CASKIN2: variants seen among roughly 807,000 people sequenced by gnomAD.
CASKIN2 encodes the protein CASK interacting protein 2.
A neutral mutation model predicts 107.1 loss-of-function variants in CASKIN2; 41 were observed. That is an observed-to-expected ratio of 0.38 (90% CI 0.30 to 0.50). The LOEUF is 0.50. CASKIN2 is among the 20% of genes least tolerant of loss of function. CASKIN2 has a pLI of 0.92. For missense variants in CASKIN2, 1,546 were observed against 1,657.4 expected (o/e 0.93, Z 1.17); for synonymous variants, 724 against 705.6 (o/e 1.03, Z -0.41).
rs1220223782 is a variant in CASKIN2, at chr17:75,506,751, G to A, written c.487-38C>T. 1 of 1,613,588 alleles carries A rather than the reference G, an allele frequency of 6.2e-7. No homozygotes were observed. The highest frequency in any genetic ancestry group is 1.3e-5 in the African/African-American group (1 of 74,912). The stretch of plus-strand genomic sequence containing the variant: ...GTGCCCAGTTAGAGCCTCCTCCTGA[G>A]ACCCTGTAGATGTCCAGGACCCAGC... On this transcript the variant is annotated intron_variant, in intron 6 of 19. Coordinates refer to ENST00000321617, the MANE Select transcript of CASKIN2 (RefSeq NM_020753.5). The surrounding 1 kb of genome is among the most constrained non-coding windows in gnomAD (Gnocchi z 4.8).
chr17:75,508,895 C>G (rs9904716), intron 2 of CASKIN2, among the ~76,000 whole-genome samples: 2,416 of 152,332 alleles, frequency 0.016, 31 homozygotes, highest in Non-Finnish European at 0.024. Context: ...AGTGCCTGAC[C>G]TTGTCATATG....
chr17:75,507,464 G>A (rs898796396), intron 4 of CASKIN2, 120 bp downstream of exon 4: 1 of 737,600 alleles, frequency 1.4e-6, no homozygotes, highest in African/African-American at 1.8e-5. Flanking sequence ...CAAGCCCAGA[G>A]ACGCTGTGCT....
intron 2 of CASKIN2, among the ~76,000 whole-genome samples, chr17:75,508,972 C>T (rs1028279753): frequency 6.6e-6 from 1 of 152,218 alleles, no homozygotes; most frequent in Admixed American, 6.5e-5. Context: ...GATGTTAGGG[C>T]GATGGTCCTC....
chr17:75,505,034 T>C lies in CASKIN2; in HGVS notation c.970A>G (p.Ile324Val). Residue 324 changes from isoleucine to valine, a missense_variant, in exon 11 of 20, where the codon ATC becomes GTC. By Grantham distance (29) the Ile-to-Val change is conservative. Coordinates refer to ENST00000321617, the MANE Select transcript of CASKIN2 (RefSeq NM_020753.5). The surrounding 1 kb of genome is among the most constrained non-coding windows in gnomAD (Gnocchi z 5.1). ...QHPDGRWKGHIHESQRGTDRI... is the reference protein window; with the variant it reads ...QHPDGRWKGHVHESQRGTDRI... ...TCTGTGCCCCTCTGGCTCTCGTGGA[T>C]GTGGCCCTTCCAGCGGCCGTCGGGA... 6 of 1,555,220 alleles carry C rather than the reference T, an allele frequency of 3.9e-6. No homozygotes were observed. The highest frequency in any genetic ancestry group is 5.2e-6 in the Non-Finnish European group (6 of 1,146,244).
rs1375445659 is a variant in CASKIN2, at chr17:75,502,093, G to A, written c.2981C>T (p.Pro994Leu). ...CAGTGGCTCTCTCTCCCGGCACTTG[G>A]GCCTCCGCTTAACAGTGTCTGATTC... ...LTESDTVKRR[P>L]KCREREPLQT... Residue 994 changes from proline (P) to leucine (L), a missense_variant, in exon 18 of 20, where the codon CCC (proline) becomes CTC (leucine). Pro to Leu is a moderately conservative substitution (Grantham distance 98). Coordinates refer to ENST00000321617, the MANE Select transcript of CASKIN2 (RefSeq NM_020753.5). This position sits in a 1 kb window ranked among gnomAD's most constrained non-coding sequence, Gnocchi z 4.3. 6.2e-7 allele frequency: 1 copy of A among 1,609,926 alleles called. No homozygotes were observed. Among genetic ancestry groups the A allele is most frequent in the East Asian group, 2.2e-5 (1 of 44,856 alleles).
In CASKIN2 at chr17:75,502,728, G is replaced by A. The variant is rs371723256; in HGVS notation, c.2346C>T (p.Ala782=). Residue 782 remains alanine, a synonymous_variant, in exon 18 of 20, where the codon GCC becomes GCT. Coordinates refer to ENST00000321617, the MANE Select transcript of CASKIN2 (RefSeq NM_020753.5). The surrounding 1 kb of genome is among the most constrained non-coding windows in gnomAD (Gnocchi z 4.3). ...GGTCTGGGGGAGTGGCAGGGGGCCC[G>A]GCCAAGTAGGAGAAGGCCCAGGGTG... ...PGAPWAFSYL[A]GPPATPPDPP... is the part of the protein sequence containing the mutation. 1,795 of 1,578,106 alleles carry A rather than the reference G, an allele frequency of 1.1e-3. 4 individuals carry two copies. Among genetic ancestry groups the A allele is most frequent in the African/African-American group, 1.8e-3 (132 of 74,178 alleles).
intron 2 of CASKIN2, chr17:75,509,937 G>C (rs1032508274): frequency 3.0e-5 from 30 of 985,516 alleles, no homozygotes; most frequent in Admixed American, 1.2e-4. Flanking sequence ...GGGTGGCTCC[G>C]TTCTTTTCAG....
chr17:75,513,288 A>T (rs187548249), intron 2 of CASKIN2, among the ~76,000 whole-genome samples: 2 of 151,784 alleles, frequency 1.3e-5, no homozygotes, highest in East Asian at 3.9e-4. Context: ...CAAAAATATA[A>T]AAAAAAATTA....
At chr17:75,504,337 G>A in intron 13 of CASKIN2, 31 bp from the exon 14 acceptor site, 1 of 1,598,626 alleles carries the variant, frequency 6.3e-7, no homozygotes, top group Non-Finnish European at 8.5e-7. Flanking sequence ...GGAATGGAAA[G>A]GTGGCAGGAG....
intron 2 of CASKIN2, among the ~76,000 whole-genome samples, chr17:75,512,536 CAT>C (rs10597456): frequency 0.13 from 19,129 of 152,228 alleles, 1,950 homozygotes; most frequent in African/African-American, 0.28. Context: ...CCAGGACACA[CAT>C]GTCAGGGGAA....
In CASKIN2 at chr17:75,505,088, G is replaced by A. The variant is rs765697997; in HGVS notation, c.931-15C>T. On this transcript the variant is annotated splice_polypyrimidine_tract_variant and intron_variant, in intron 10 of 19. Coordinates refer to ENST00000321617, the MANE Select transcript of CASKIN2 (RefSeq NM_020753.5). The surrounding 1 kb of genome is among the most constrained non-coding windows in gnomAD (Gnocchi z 5.1). The stretch of plus-strand genomic sequence containing the variant: ...TGTTCTAGCACCTGCGGCCAGGGGT[G>A]GGGGGCGGGGACGGTCACTCCCAGC... The A allele has an allele frequency of 1.9e-6, 3 of 1,564,616 alleles. No individual in the cohort carries two copies. Among genetic ancestry groups the A allele is most frequent in the Non-Finnish European group, 1.7e-6 (2 of 1,148,350 alleles).
intron 19 of CASKIN2, 58 bp downstream of exon 19, chr17:75,501,410 A>G (rs2053181448): frequency 3.9e-6 from 6 of 1,521,994 alleles, no homozygotes; most frequent in Non-Finnish European, 4.5e-6. Context: ...TGGGCAGAGG[A>G]TGCAGGGAGC....
chr17:75,513,559 T>A, intron 2 of CASKIN2, 152 bp downstream of exon 2: 2 of 684,582 alleles, frequency 2.9e-6, no homozygotes, highest in Non-Finnish European at 5.1e-6. Context: ...CAACTTTCTC[T>A]CTGGCTCTCT....
rs371844024 is a variant in CASKIN2 at position 75,506,533 on chromosome 17, C to T, written c.617+50G>A. On this transcript the variant is annotated intron_variant, in intron 7 of 19. Coordinates refer to ENST00000321617, the MANE Select transcript of CASKIN2 (RefSeq NM_020753.5). This position sits in a 1 kb window ranked among gnomAD's most constrained non-coding sequence, Gnocchi z 4.8. ...AGTGGGGGAGAGCACTGAGGGGCAC[C>T]GATGGTCCCGCAGGCAGGTGATGAG... The T allele has an allele frequency of 3.3e-4, 531 of 1,605,360 alleles. 2 individuals carry two copies. The South Asian group carries it at 5.3e-3, about 16-fold the overall frequency.
In CASKIN2 at chr17:75,502,927, G is replaced by A. The variant is rs908256523; in HGVS notation, c.2147C>T (p.Ala716Val). 12 of 1,565,438 alleles carry A rather than the reference G, an allele frequency of 7.7e-6. No individual in the cohort carries two copies. Among genetic ancestry groups the A allele is most frequent in the African/African-American group, 1.4e-5 (1 of 73,828 alleles). The change falls in exon 18 of 20, where the codon GCC becomes GTC. Residue 716 changes from alanine to valine, a missense_variant. By Grantham distance (64) the Ala-to-Val change is moderately conservative. Around this residue, in one of 6 missense-constraint regions of CASKIN2, gnomAD observed 1,311 missense variants for 1,311.0 expected, o/e 1.00. Coordinates refer to ENST00000321617, the MANE Select transcript of CASKIN2 (RefSeq NM_020753.5). The surrounding 1 kb of genome is among the most constrained non-coding windows in gnomAD (Gnocchi z 4.3). The stretch of plus-strand genomic sequence containing the variant: ...GGGATCTCCACCGCTGGGCTGTGGG[G>A]CAGGCTGTTCCTGTGAGTGGCCAGA... Reference protein sequence around the residue: ...RGSGHSQEQPAPQPSGGDPSP... With the variant: ...RGSGHSQEQPVPQPSGGDPSP...
intron 2 of CASKIN2, 57 bp downstream of exon 2, chr17:75,513,652 AAG>A: frequency 1.0e-6 from 1 of 976,024 alleles, no homozygotes; most frequent in Non-Finnish European, 1.6e-6. Flanking sequence ...CCCACCCACC[AAG>A]CCTCTGTGAA....
intron 2 of CASKIN2, among the ~76,000 whole-genome samples, chr17:75,508,665 G>C (rs565582292): frequency 6.6e-6 from 1 of 152,326 alleles, no homozygotes; most frequent in South Asian, 2.1e-4. Context: ...GCCGAGGGGT[G>C]GGGAGAGAGA....
chr17:75,502,636 C>T lies in CASKIN2; in HGVS notation c.2438G>A (p.Gly813Glu), dbSNP rs775222768. Residue 813 changes from glycine to glutamate, a missense_variant, in exon 18 of 20, where the codon GGG (glycine) becomes GAG (glutamate). Physicochemically the swap from Gly to Glu is moderately conservative, Grantham distance 98. Coordinates refer to ENST00000321617, the MANE Select transcript of CASKIN2 (RefSeq NM_020753.5). The surrounding 1 kb of genome is among the most constrained non-coding windows in gnomAD (Gnocchi z 4.3). ...RPGPTEGDAE[G>E]EAEGPVGSTL... ...GCTGCCCACTGGCCCTTCGGCCTCC[C>T]CCTCAGCATCCCCCTCTGTGGGGCC... is the stretch of plus-strand genomic sequence containing the variant. 13 of 1,605,458 alleles carry T rather than the reference C, an allele frequency of 8.1e-6. No homozygotes were observed. The African/African-American group carries it at 1.7e-4, about 21-fold the overall frequency.
At position 75,503,439 on chromosome 17, in the gene CASKIN2, A is replaced by G; in HGVS notation, c.1769T>C (p.Val590Ala). 1 of 1,612,906 alleles carries G rather than the reference A, an allele frequency of 6.2e-7. No homozygotes were observed. The highest frequency in any genetic ancestry group is 8.5e-7 in the Non-Finnish European group (1 of 1,179,938). ...CAGCTCCTCCCAGGTGAGGTCGGCC[A>G]CCAGCCCCATGGAGTCGTAGCCGCT... ...VSSGYDSMGLVADLTWEELQE... is the reference protein window; with the variant it reads ...VSSGYDSMGLAADLTWEELQE... Residue 590 changes from valine to alanine, a missense_variant, in exon 17 of 20, where the codon GTG becomes GCG. Around this residue, in one of 6 missense-constraint regions of CASKIN2, gnomAD observed 1,311 missense variants for 1,311.0 expected, o/e 1.00. Transcript: ENST00000321617.
Sources: gnomAD v4.1 joint callset for allele counts (sites outside exome capture counted in the v4.1 genomes callset) on GRCh38, gnomAD v4.1.1 for gene constraint, gnomAD v4.1.1 regional missense constraint, Gnocchi (gnomAD v3.1) non-coding constraint, MANE v1.5 for transcripts, NCBI Gene and HGNC (gene_info 2026-07-23, HGNC 2026-07-21) for gene names.